SLC4A1AP: variants seen among roughly 807,000 people sequenced by gnomAD.
SLC4A1AP encodes kanadaptin.
Under a neutral mutation model 89.7 loss-of-function variants are expected in SLC4A1AP, and 64 were observed. The observed-to-expected ratio is 0.71, with a 90% CI of 0.58 to 0.88. The LOEUF (loss-of-function observed/expected upper bound fraction) is 0.88. Ranked by LOEUF, SLC4A1AP falls within the 40% of genes least tolerant of loss-of-function variation. The probability of loss-of-function intolerance (pLI) is 0.00; values close to 1 mark genes in which losing one functional copy is unlikely to be tolerated. For missense variants in SLC4A1AP, 931 were observed against 965.0 expected (o/e 0.96, Z 0.47); for synonymous variants, 366 against 353.3 (o/e 1.04, Z -0.40).
chr2:27,679,657 A>G (rs1289509908), intron 8 of SLC4A1AP, among the ~76,000 whole-genome samples: 2 of 151,980 alleles, frequency 1.3e-5, no homozygotes, highest in African/African-American at 2.4e-5. Context: ...ATAGCTGTTG[A>G]AAAAAAAGGC....
At chr2:27,694,519 G>T in intron 13 of SLC4A1AP, 115 bp from the exon 14 acceptor site, 3 of 633,716 alleles carry the variant, frequency 4.7e-6, no homozygotes, top group Non-Finnish European at 7.4e-6. Flanking sequence ...AATTTCTACC[G>T]TAGAATAAAC....
intron 3 of SLC4A1AP, chr2:27,668,571 C>T (rs1197995299): frequency 9.9e-6 from 6 of 604,954 alleles, no homozygotes; most frequent in Non-Finnish European, 1.5e-5. Context: ...GGCCTTAGCC[C>T]CCGTAGTAGC....
intron 10 of SLC4A1AP, among the ~76,000 whole-genome samples, chr2:27,687,234 C>G (rs1301748958): frequency 1.3e-5 from 2 of 152,044 alleles, no homozygotes. Flanking sequence ...AGTCAACTCT[C>G]AATTGTTGAA....
At chr2:27,681,877 G>GAC (rs1675625206) in intron 8 of SLC4A1AP, among the ~76,000 whole-genome samples, 1 of 152,076 alleles carries the variant, frequency 6.6e-6, no homozygotes, top group Non-Finnish European at 1.5e-5. Context: ...AGATAAGTAA[G>GAC]ACACTCTTCA....
chr2:27,683,583 T>A (rs984614681), intron 9 of SLC4A1AP, among the ~76,000 whole-genome samples: 2 of 152,166 alleles, frequency 1.3e-5, no homozygotes, highest in African/African-American at 4.8e-5. Flanking sequence ...TCATTTTAAT[T>A]CAGTTTAATT....
intron 12 of SLC4A1AP, among the ~76,000 whole-genome samples, chr2:27,689,200 T>C (rs1411840317): frequency 6.6e-6 from 1 of 152,180 alleles, no homozygotes; most frequent in Non-Finnish European, 1.5e-5. Flanking sequence ...GAGGACGTTA[T>C]CTAACAGTTC....
intron 5 of SLC4A1AP, among the ~76,000 whole-genome samples, chr2:27,674,837 G>A (rs944506126): frequency 2.7e-5 from 4 of 150,340 alleles, no homozygotes; most frequent in African/African-American, 7.3e-5. Flanking sequence ...TTAGCCTCCT[G>A]AGTAGCTGGG....
At chr2:27,685,852 CAATT>C (rs1287602936) in intron 10 of SLC4A1AP, among the ~76,000 whole-genome samples, 3 of 152,020 alleles carry the variant, frequency 2.0e-5, no homozygotes, top group Non-Finnish European at 4.4e-5. Context: ...ATATATGCAT[CAATT>C]AATTCTGTAT....
At chr2:27,665,913 C>A (rs1339875032) in intron 2 of SLC4A1AP, among the ~76,000 whole-genome samples, 1 of 152,056 alleles carries the variant, frequency 6.6e-6, no homozygotes, top group Non-Finnish European at 1.5e-5. Context: ...AAGCTAGAAA[C>A]CATAAGTATG....
intron 6 of SLC4A1AP, 37 bp downstream of exon 6, chr2:27,675,729 T>A: frequency 7.1e-7 from 1 of 1,402,096 alleles, no homozygotes; most frequent in Non-Finnish European, 9.6e-7. Context: ...TGGTATTTAA[T>A]AGTTTAATTT....
intron 8 of SLC4A1AP, among the ~76,000 whole-genome samples, chr2:27,679,507 C>T (rs545431021): frequency 2.1e-3 from 314 of 152,162 alleles, no homozygotes; most frequent in African/African-American, 7.3e-3. Context: ...GAGCCTGAGG[C>T]AGGAGAATGG....
At chr2:27,694,896 G>A (rs1675847910) in exon 14 of SLC4A1AP, 2 of 396,156 alleles carry the variant, frequency 5.0e-6, no homozygotes, top group South Asian at 2.4e-4. Flanking sequence ...ATATATGTAT[G>A]TAAAAAGGGA....
At position 27,663,925 on chromosome 2, in the gene SLC4A1AP, TTCTC is replaced by T. The variant is rs746758205; in HGVS notation, c.178_181del (p.Ser62ArgfsTer107). 1 of 1,614,090 alleles carries T rather than the reference TTCTC, an allele frequency of 6.2e-7. No individual in the cohort carries two copies. Among genetic ancestry groups the T allele is most frequent in the East Asian group, 2.2e-5 (1 of 44,864 alleles). ...TTGCACCGGTTGAGGATGGCTGACA[TTCTC>T]TCTCAGTCAGAGACCCTGGCGTCGC... On this transcript the variant is annotated frameshift_variant, in exon 1 of 14. Transcript: ENST00000613058. LOFTEE classifies it high-confidence loss of function.
chr2:27,685,215 C>G, exon 10 of SLC4A1AP: 1 of 1,614,138 alleles, frequency 6.2e-7, no homozygotes, highest in Non-Finnish European at 8.5e-7. Context: ...GAGCCAGAAG[C>G]AGCAGTGCAG....
At chr2:27,677,642 G>C (rs569648640) in intron 7 of SLC4A1AP, 96 bp from the exon 8 acceptor site, 2 of 1,006,198 alleles carry the variant, frequency 2.0e-6, no homozygotes, top group African/African-American at 1.6e-5. Context: ...TCCTCTGTCC[G>C]GTTTTATGTT....
chr2:27,664,454 C>G lies in SLC4A1AP; in HGVS notation c.702C>G (p.Tyr234Ter), dbSNP rs1467762998. The change falls in exon 1 of 14, where the codon TAC (tyrosine) becomes TAG (stop). Residue 234 changes from tyrosine (Y) to a stop codon, truncating the protein, a stop_gained. Transcript: ENST00000613058. LOFTEE classifies it high-confidence loss of function. ...GCAACGGGCCGGGCTTCTACCTCTACGATCTGGGAAGCACCCATGGCACTT... is the reference window on the plus strand; with the variant it reads ...GCAACGGGCCGGGCTTCTACCTCTAGGATCTGGGAAGCACCCATGGCACTT... The G allele has an allele frequency of 6.2e-7, 1 of 1,614,218 alleles. No homozygotes were observed.
At chr2:27,669,255 G>A in exon 5 of SLC4A1AP, 2 of 1,609,914 alleles carry the variant, frequency 1.2e-6, no homozygotes, top group Non-Finnish European at 1.7e-6. Flanking sequence ...AAGATTACCT[G>A]TGGACGATTC....
intron 12 of SLC4A1AP, chr2:27,691,474 C>G (rs956075517): frequency 2.0e-5 from 3 of 151,740 alleles, no homozygotes; most frequent in South Asian, 4.1e-4. Flanking sequence ...TTTAGTTTAT[C>G]TTTTCAAAAA....
intron 8 of SLC4A1AP, among the ~76,000 whole-genome samples, chr2:27,679,496 G>A (rs1413299559): frequency 6.6e-6 from 1 of 152,078 alleles, no homozygotes; most frequent in Non-Finnish European, 1.5e-5. Context: ...CAGCTACTTG[G>A]GAGCCTGAGG....
Sources: allele counts gnomAD v4.1 joint callset (sites outside exome capture counted in the v4.1 genomes callset), GRCh38; gene constraint gnomAD v4.1.1; transcripts MANE v1.5; gene names NCBI Gene and HGNC (gene_info 2026-07-23, HGNC 2026-07-21).